Variants in MAST2 observed in about 807,000 individuals in gnomAD.
MAST2 encodes the protein microtubule-associated serine/threonine-protein kinase 2.
Under a neutral mutation model 147.4 loss-of-function variants are expected in MAST2, and 70 were observed. The ratio of observed to expected loss-of-function variants is 0.47; its 90% CI spans 0.39 to 0.58. The LOEUF is 0.58. Among genes scored for constraint, MAST2 ranks in the 20% least tolerant of loss-of-function variants. The probability of loss-of-function intolerance (pLI) is 0.00; values close to 1 mark genes in which losing one functional copy is unlikely to be tolerated. For missense variants in MAST2, 2,080 were observed against 2,302.3 expected, an observed-to-expected ratio of 0.90 and a Z score of 1.98; for synonymous variants, 869 against 896.8, an observed-to-expected ratio of 0.97 and a Z score of 0.55.
chr1:45,829,242 T>C (rs569053386), intron 2 of MAST2, among the ~76,000 whole-genome samples, 197 bp from the exon 3 acceptor site: 7 of 152,324 alleles, frequency 4.6e-5, no homozygotes, highest in African/African-American at 1.7e-4. Flanking sequence ...AGTGTTCCAC[T>C]TGCCATTATC....
At chr1:46,027,910 G>T in intron 17 of MAST2, 47 bp downstream of exon 17, 1 of 1,607,272 alleles carries the variant, frequency 6.2e-7, no homozygotes, top group Non-Finnish European at 8.5e-7. Flanking sequence ...CTAGGCCCTT[G>T]TCCTGGCGCA....
intron 3 of MAST2, among the ~76,000 whole-genome samples, chr1:45,839,128 A>ATTTTTTTTTT (rs1645194179): frequency 1.7e-5 from 1 of 58,512 alleles, no homozygotes; most frequent in African/African-American, 9.8e-5. Context: ...CACCATCACA[A>ATTTTTTTTTT]ATTTTTTTTT....
intron 5 of MAST2, among the ~76,000 whole-genome samples, chr1:45,982,046 A>G (rs1644430238): frequency 6.6e-6 from 1 of 152,052 alleles, no homozygotes; most frequent in Non-Finnish European, 1.5e-5. Context: ...ACGGAGTTTC[A>G]CCATGTTTGC....
At chr1:45,820,479 G>A (rs1644587884) in intron 1 of MAST2, among the ~76,000 whole-genome samples, 1 of 152,086 alleles carries the variant, frequency 6.6e-6, no homozygotes, top group Admixed American at 6.6e-5. Context: ...TTTAACTTCT[G>A]TAGTATACAA....
chr1:45,830,189 T>TC (rs974706285), intron 3 of MAST2, among the ~76,000 whole-genome samples: 3 of 147,906 alleles, frequency 2.0e-5, no homozygotes, highest in African/African-American at 7.5e-5. Context: ...ATCTTTTTTT[T>TC]TTTTTTTTTT....
intron 20 of MAST2, 25 bp from the exon 21 acceptor site, chr1:46,030,103 GA>G: frequency 6.2e-7 from 1 of 1,612,442 alleles, no homozygotes; most frequent in Non-Finnish European, 8.5e-7. Flanking sequence ...GGCTCTGAAG[GA>G]AAGTGTCCTT....
chr1:45,931,772 G>A (rs899783573), intron 4 of MAST2, among the ~76,000 whole-genome samples: 5 of 151,748 alleles, frequency 3.3e-5, no homozygotes, highest in African/African-American at 4.8e-5. Context: ...GGGATTACAG[G>A]TGTGAGCCAC....
chr1:45,962,632 T>G (rs1343720339), intron 5 of MAST2, among the ~76,000 whole-genome samples: 1 of 152,232 alleles, frequency 6.6e-6, no homozygotes, highest in Non-Finnish European at 1.5e-5. Context: ...GTTTTTTTCT[T>G]GTAAATTTGT....
chr1:45,933,568 C>T (rs985695161), intron 4 of MAST2, among the ~76,000 whole-genome samples: 8 of 147,988 alleles, frequency 5.4e-5, no homozygotes, highest in Non-Finnish European at 8.9e-5. Context: ...GGTGAAAACC[C>T]GTCTCTACTA....
intron 3 of MAST2, among the ~76,000 whole-genome samples, chr1:45,859,022 A>G (rs1010769928): frequency 1.3e-5 from 2 of 152,160 alleles, no homozygotes; most frequent in African/African-American, 2.4e-5. Flanking sequence ...GCCTTGTAGT[A>G]TAGTTTGAAG....
Position 46,022,070 on chromosome 1 carries a change from G to C in MAST2, c.1411G>C (p.Asp471His), listed in dbSNP as rs200744417. ...CGTTAGCCAGCTGGGCCTCACCCGG[G>C]ATCCCCTAGAAGGTGAGCATGCTGC... ...YIVSQLGLTR[D>H]PLEEMAQLSS... is the part of the protein sequence containing the mutation. The change falls in exon 12 of 29, where the codon GAT becomes CAT. Residue 471 changes from aspartate to histidine, a missense_variant. Asp to His is a moderately conservative substitution (Grantham distance 81, BLOSUM62 -1). Transcript: ENST00000361297. The C allele has an allele frequency of 4.2e-5, 68 of 1,614,140 alleles. No individual in the cohort carries two copies. The highest frequency in any genetic ancestry group is 5.7e-5 in the Non-Finnish European group (67 of 1,179,998).
At chr1:45,907,954 C>CTA (rs1176833158) in intron 4 of MAST2, among the ~76,000 whole-genome samples, 11 of 152,050 alleles carry the variant, frequency 7.2e-5, no homozygotes, top group Non-Finnish European at 1.6e-4. Flanking sequence ...ATTGTTCCTG[C>CTA]TATTCTCTTA....
At chr1:45,979,438 T>G (rs1324008608) in intron 5 of MAST2, among the ~76,000 whole-genome samples, 19 of 151,612 alleles carry the variant, frequency 1.3e-4, no homozygotes, top group African/African-American at 2.9e-4. Context: ...TGTTTTTTTT[T>G]TTTTTTTTTG....
At chr1:45,818,728 A>T (rs186631165) in intron 1 of MAST2, among the ~76,000 whole-genome samples, 2 of 152,228 alleles carry the variant, frequency 1.3e-5, no homozygotes, top group East Asian at 1.9e-4. Context: ...TTGAACCACC[A>T]CTGCACTGTA....
intron 3 of MAST2, among the ~76,000 whole-genome samples, chr1:45,864,698 T>A (rs1435452166): frequency 6.6e-6 from 1 of 152,248 alleles, no homozygotes; most frequent in Non-Finnish European, 1.5e-5. Flanking sequence ...ATAAGCTTAG[T>A]AGCTGTAGGT....
intron 3 of MAST2, 29 bp from the exon 4 acceptor site, chr1:45,882,335 T>G (rs773228856): frequency 2.4e-5 from 38 of 1,594,414 alleles, no homozygotes; most frequent in Non-Finnish European, 3.0e-5. Context: ...GGGTTCTTAT[T>G]TCTAACTTGC....
chr1:45,969,547 A>C (rs1476028161), intron 5 of MAST2, among the ~76,000 whole-genome samples: 1 of 152,092 alleles, frequency 6.6e-6, no homozygotes, highest in African/African-American at 2.4e-5. Flanking sequence ...TCATAGGACC[A>C]TGAACCCTGT....
intron 4 of MAST2, among the ~76,000 whole-genome samples, chr1:45,934,316 C>G (rs1396247663): frequency 6.6e-6 from 1 of 152,156 alleles, no homozygotes; most frequent in East Asian, 1.9e-4. Flanking sequence ...AACCCCGTCT[C>G]TACTAAAAAT....
chr1:45,941,183 A>C (rs1231325392), intron 4 of MAST2, among the ~76,000 whole-genome samples: 1 of 152,188 alleles, frequency 6.6e-6, no homozygotes, highest in Non-Finnish European at 1.5e-5. Context: ...TCATATAATC[A>C]GTTTTTCACA....
Sources: allele counts gnomAD v4.1 joint callset (sites outside exome capture counted in the v4.1 genomes callset), GRCh38; gene constraint gnomAD v4.1.1; transcripts MANE v1.5; gene names NCBI Gene and HGNC (gene_info 2026-07-23, HGNC 2026-07-21).